Variants in SLC45A2 observed in about 807,000 individuals in gnomAD.
The protein encoded by SLC45A2 is solute carrier family 45 member 2.
In SLC45A2, 36 loss-of-function variants were observed where a neutral mutation model predicts 45.5. The ratio of observed to expected loss-of-function variants is 0.79; its 90% CI spans 0.61 to 1.04. SLC45A2 has a LOEUF of 1.04. Among genes scored for constraint, SLC45A2 ranks in the 50% least tolerant of loss-of-function variants. The pLI is 0.00. For missense variants in SLC45A2, 719 were observed against 671.0 expected, an observed-to-expected ratio of 1.07 and a Z score of -0.79; for synonymous variants, 306 against 269.3, an observed-to-expected ratio of 1.14 and a Z score of -1.33.
chr5:33,969,565 T>C (rs114307644), intron 2 of SLC45A2, among the ~76,000 whole-genome samples: 278 of 152,276 alleles, frequency 1.8e-3, no homozygotes, highest in African/African-American at 6.4e-3. Context: ...GAAATAAGAA[T>C]GGTTTGTCTT....
At chr5:33,946,932 C>T in intron 6 of SLC45A2, 13 of 1,443,004 alleles carry the variant, frequency 9.0e-6, no homozygotes, top group Admixed American at 5.6e-5. Flanking sequence ...TCTTGCCCTA[C>T]AGCTCCCTAA....
chr5:33,964,228 T>G (rs1183789867), intron 2 of SLC45A2, among the ~76,000 whole-genome samples: 1 of 152,176 alleles, frequency 6.6e-6, no homozygotes, highest in Non-Finnish European at 1.5e-5. Flanking sequence ...GCTGTGATCT[T>G]GGGCTTCCTC....
intron 6 of SLC45A2, chr5:33,946,700 C>T (rs1439681004): frequency 2.9e-6 from 3 of 1,051,730 alleles, no homozygotes; most frequent in African/African-American, 3.4e-5. Flanking sequence ...GACTTTCCTA[C>T]CCTCAGCAAA....
intron 5 of SLC45A2, among the ~76,000 whole-genome samples, chr5:33,947,977 A>C (rs528495184): frequency 6.6e-5 from 10 of 152,342 alleles, no homozygotes; most frequent in African/African-American, 2.4e-4. Flanking sequence ...GGGCTCCCAC[A>C]GCACCCAGCA....
At chr5:33,949,524 G>C (rs1478846971) in intron 5 of SLC45A2, among the ~76,000 whole-genome samples, 1 of 152,166 alleles carries the variant, frequency 6.6e-6, no homozygotes. Flanking sequence ...ATTGATATGG[G>C]AGTGAAAAAG....
chr5:33,976,825 G>A (rs539844745), intron 2 of SLC45A2, among the ~76,000 whole-genome samples: 1 of 152,308 alleles, frequency 6.6e-6, no homozygotes, highest in South Asian at 2.1e-4. Flanking sequence ...AAAAGGGATT[G>A]GGGAGGAGGG....
chr5:33,975,765 G>A (rs1752911039), intron 2 of SLC45A2, among the ~76,000 whole-genome samples: 1 of 152,144 alleles, frequency 6.6e-6, no homozygotes, highest in African/African-American at 2.4e-5. Flanking sequence ...TTAGGCCACT[G>A]AATGCTCACA....
At chr5:33,946,822 C>T (rs2111899679) in intron 6 of SLC45A2, 1 of 1,266,942 alleles carries the variant, frequency 7.9e-7, no homozygotes, top group South Asian at 1.8e-5. Flanking sequence ...GAGGTGGTTA[C>T]AGAAGACCTG....
chr5:33,952,494 T>C (rs950716316), intron 4 of SLC45A2, among the ~76,000 whole-genome samples: 9 of 151,868 alleles, frequency 5.9e-5, no homozygotes, highest in Middle Eastern at 3.2e-3. Context: ...TGAAAAGTCA[T>C]TTAAGAAATT....
chr5:33,959,961 A>T (rs1326371562), intron 3 of SLC45A2, among the ~76,000 whole-genome samples: 1 of 152,204 alleles, frequency 6.6e-6, no homozygotes, highest in Non-Finnish European at 1.5e-5. Context: ...GTATACAAAA[A>T]AATGAGGTTT....
At chr5:33,954,209 T>C in intron 4 of SLC45A2, 152 bp downstream of exon 4, 1 of 1,088,036 alleles carries the variant, frequency 9.2e-7, no homozygotes, top group Non-Finnish European at 1.4e-6. Flanking sequence ...AGTAGCATTT[T>C]TCTACACCTG....
At chr5:33,954,670 G>T (rs1752224340) in intron 3 of SLC45A2, among the ~76,000 whole-genome samples, 166 bp from the exon 4 acceptor site, 1 of 152,206 alleles carries the variant, frequency 6.6e-6, no homozygotes, top group Non-Finnish European at 1.5e-5. Context: ...CTCACAGGAG[G>T]TATTCTGTTA....
At chr5:33,955,038 A>G (rs1752234574) in intron 3 of SLC45A2, among the ~76,000 whole-genome samples, 1 of 152,172 alleles carries the variant, frequency 6.6e-6, no homozygotes, top group Non-Finnish European at 1.5e-5. Context: ...ATTGAAAGGG[A>G]GATTACCTGG....
Position 33,984,687 on chromosome 5 carries a change from CAG to C in SLC45A2, c.-106_-105del, listed in dbSNP as rs1188992361. The C allele has an allele frequency of 2.0e-6, 3 of 1,489,442 alleles. No individual in the cohort carries two copies. The highest frequency in any genetic ancestry group is 2.8e-6 in the Non-Finnish European group (3 of 1,086,588). The allele number at this position is 1,489,442 out of a possible 1,614,324, so 92.3% of individuals were successfully genotyped here. On this transcript the variant is annotated 5_prime_UTR_variant, in exon 1 of 7. Transcript: ENST00000296589. ...ACGTGGAGCCTGGCCGAGCAACCAA[CAG>C]AGATGGTCAGGCTGGGGGAGGGGCT... is the stretch of plus-strand genomic sequence containing the variant.
chr5:33,963,647 GC>G, intron 3 of SLC45A2, 43 bp downstream of exon 3: 1 of 1,584,180 alleles, frequency 6.3e-7, no homozygotes, highest in Non-Finnish European at 8.7e-7. Context: ...ACAACAAAGA[GC>G]AAGAATATTT....
chr5:33,946,967 G>A (rs1478959459), intron 6 of SLC45A2, 196 bp downstream of exon 6: 1 of 1,515,882 alleles, frequency 6.6e-7, no homozygotes, highest in Non-Finnish European at 8.8e-7. Flanking sequence ...AGAATAAGGA[G>A]GACAGGACAG....
chr5:33,961,845 G>C (rs1752467803), intron 3 of SLC45A2, among the ~76,000 whole-genome samples: 1 of 152,288 alleles, frequency 6.6e-6, no homozygotes, highest in South Asian at 2.1e-4. Flanking sequence ...CAAGACGGGG[G>C]GTATTAGTGT....
chr5:33,961,583 CA>C (rs1752457318), intron 3 of SLC45A2, among the ~76,000 whole-genome samples: 1 of 152,182 alleles, frequency 6.6e-6, no homozygotes, highest in Non-Finnish European at 1.5e-5. Context: ...CGATCTCTTC[CA>C]TAACGCTTTT....
intron 2 of SLC45A2, among the ~76,000 whole-genome samples, chr5:33,970,185 A>G (rs1039808309): frequency 2.0e-5 from 3 of 152,180 alleles, no homozygotes; most frequent in Admixed American, 6.5e-5. Context: ...GCAGTGACCA[A>G]ATCTAAGCCA....
Sources: gnomAD v4.1 joint callset for allele counts (sites outside exome capture counted in the v4.1 genomes callset) on GRCh38, gnomAD v4.1.1 for gene constraint, MANE v1.5 for transcripts, NCBI Gene and HGNC (gene_info 2026-07-23, HGNC 2026-07-21) for gene names.